The following MTHFD2L variants were observed in gnomAD, a reference collection of about 807,000 sequenced individuals.
MTHFD2L encodes the protein bifunctional methylenetetrahydrofolate dehydrogenase/cyclohydrolase 2, mitochondrial.
Under a neutral mutation model 34.9 loss-of-function variants are expected in MTHFD2L, and 29 were observed. The ratio of observed to expected loss-of-function variants is 0.83; its 90% CI spans 0.62 to 1.13. The LOEUF is 1.13. MTHFD2L is among the 50% of genes most tolerant of loss of function. The pLI, the probability that MTHFD2L is intolerant of heterozygous loss-of-function variation, is 0.00. For synonymous variants in MTHFD2L, 167 were observed against 155.7 expected (o/e 1.07, Z -0.54); for missense variants, 481 against 446.5 (o/e 1.08, Z -0.70).
chr4:74,281,215 A>G (rs1747420382), intron 6 of MTHFD2L, among the ~76,000 whole-genome samples: 2 of 152,148 alleles, frequency 1.3e-5, no homozygotes, highest in Non-Finnish European at 2.9e-5. Flanking sequence ...TAGCTCCTGC[A>G]GGATTTCATC....
At chr4:74,164,029 C>G (rs967736495) in intron 1 of MTHFD2L, among the ~76,000 whole-genome samples, 3 of 152,164 alleles carry the variant, frequency 2.0e-5, no homozygotes, top group African/African-American at 7.2e-5. Flanking sequence ...GCGCCCGCCA[C>G]CACGCCCGGC....
intron 7 of MTHFD2L, among the ~76,000 whole-genome samples, chr4:74,282,020 G>A (rs1376350256): frequency 6.6e-6 from 1 of 152,082 alleles, no homozygotes; most frequent in Non-Finnish European, 1.5e-5. Context: ...GATAGTTGAA[G>A]TCAGTGTTTT....
At chr4:74,118,129 TAAA>T (rs1721686791) in intron 2 of MTHFD2L, among the ~76,000 whole-genome samples, 1 of 152,216 alleles carries the variant, frequency 6.6e-6, no homozygotes, top group African/African-American at 2.4e-5. Context: ...CTGATTCTAT[TAAA>T]TAACATTATT....
At chr4:74,126,264 C>A (rs1722064413) in intron 1 of MTHFD2L, among the ~76,000 whole-genome samples, 1 of 152,086 alleles carries the variant, frequency 6.6e-6, no homozygotes, top group Non-Finnish European at 1.5e-5. Flanking sequence ...TTTCTAGTCA[C>A]AAAACATCAT....
intron 6 of MTHFD2L, among the ~76,000 whole-genome samples, chr4:74,237,489 A>C (rs1253810352): frequency 6.6e-6 from 1 of 152,160 alleles, no homozygotes; most frequent in East Asian, 1.9e-4. Flanking sequence ...TCTTCACTAA[A>C]AATACAAAAA....
At chr4:74,127,540 G>A (rs985501246) in intron 1 of MTHFD2L, among the ~76,000 whole-genome samples, 3 of 152,104 alleles carry the variant, frequency 2.0e-5, no homozygotes, top group African/African-American at 7.2e-5. Context: ...TTAACATAAT[G>A]ACCTCCAGTT....
intron 1 of MTHFD2L, among the ~76,000 whole-genome samples, chr4:74,126,448 C>A (rs2109789421): frequency 6.6e-6 from 1 of 152,204 alleles, no homozygotes; most frequent in Non-Finnish European, 1.5e-5. Context: ...GATGTTTACT[C>A]CTTATCCTAG....
chr4:74,120,921 C>A (rs757507434), upstream of MTHFD2L, among the ~76,000 whole-genome samples: 3 of 152,190 alleles, frequency 2.0e-5, no homozygotes, highest in Non-Finnish European at 4.4e-5. Flanking sequence ...CATATTCAAC[C>A]TGTTCAGGGA....
At chr4:74,185,168 A>ACAAAAC (rs1438407225) in intron 3 of MTHFD2L, among the ~76,000 whole-genome samples, 11 of 150,644 alleles carry the variant, frequency 7.3e-5, no homozygotes, top group Admixed American at 2.6e-4. Flanking sequence ...AAAAAAAAAA[A>ACAAAAC]AAAAAAAAAA....
intron 5 of MTHFD2L, among the ~76,000 whole-genome samples, chr4:74,222,768 T>C (rs1226884716): frequency 2.0e-5 from 3 of 152,096 alleles, no homozygotes; most frequent in Non-Finnish European, 4.4e-5. Context: ...TCCTGAATTC[T>C]TGCATTTTCA....
intron 6 of MTHFD2L, among the ~76,000 whole-genome samples, chr4:74,262,576 C>A (rs1000091544): frequency 6.6e-6 from 1 of 151,674 alleles, no homozygotes; most frequent in Non-Finnish European, 1.5e-5. Flanking sequence ...TTTAAAAGAA[C>A]AATTTATAGG....
chr4:74,158,241 C>T lies in MTHFD2L; in HGVS notation c.103C>T (p.Pro35Ser), dbSNP rs1239373459. ...ACCCTCCGTAAGGGCACCGGGAGAG[C>T]CCGGGAGTGCGTTCCGGGGCTTTCG... The part of the protein sequence containing the change: ...TAPSVRAPGE[P>S]GSAFRGFRSS... Residue 35 changes from proline to serine, a missense_variant, in exon 1 of 8, where the codon CCC (proline) becomes TCC (serine). Pro to Ser is a moderately conservative substitution (Grantham distance 74). Transcript: ENST00000325278. 14 of 1,478,728 alleles carry T rather than the reference C, an allele frequency of 9.5e-6. No homozygotes were observed. The highest frequency in any genetic ancestry group is 1.3e-5 in the Non-Finnish European group (14 of 1,116,380). 91.6% of individuals were successfully genotyped at this position (1,478,728 alleles called of 1,614,324 possible).
At chr4:74,238,249 T>C (rs1280422718) in intron 6 of MTHFD2L, among the ~76,000 whole-genome samples, 1 of 152,216 alleles carries the variant, frequency 6.6e-6, no homozygotes, top group East Asian at 1.9e-4. Flanking sequence ...GCTTTGGTTC[T>C]GAAATAGAGC....
At chr4:74,122,471 C>T (rs1721813710), upstream of MTHFD2L, among the ~76,000 whole-genome samples, 1 of 152,210 alleles carries the variant, frequency 6.6e-6, no homozygotes, top group Non-Finnish European at 1.5e-5. Flanking sequence ...TTAATCACCT[C>T]ACACCAGGTA....
At chr4:74,122,103 A>G (rs952880317), upstream of MTHFD2L, among the ~76,000 whole-genome samples, 2 of 152,178 alleles carry the variant, frequency 1.3e-5, no homozygotes, top group Non-Finnish European at 2.9e-5. Flanking sequence ...CTAGGACATA[A>G]ACATATTTTA....
At chr4:74,186,430 G>C (rs1280093789) in intron 3 of MTHFD2L, among the ~76,000 whole-genome samples, 4 of 46,014 alleles carry the variant, frequency 8.7e-5, no homozygotes, top group Non-Finnish European at 1.8e-4. Flanking sequence ...AAATTCAAGG[G>C]AATCCATGAA....
chr4:74,142,352 C>G (rs1052867726), intron 1 of MTHFD2L, among the ~76,000 whole-genome samples: 1 of 152,122 alleles, frequency 6.6e-6, no homozygotes, highest in African/African-American at 2.4e-5. Flanking sequence ...GGTAATTAGG[C>G]TATGAGAGTG....
intron 6 of MTHFD2L, 80 bp downstream of exon 6, chr4:74,225,474 C>CT: frequency 8.6e-7 from 1 of 1,168,156 alleles, no homozygotes; most frequent in Non-Finnish European, 1.3e-6. Flanking sequence ...TGTTTGAAAG[C>CT]TTTTTGAGAG....
At chr4:74,155,961 T>C (rs578000589), upstream of MTHFD2L, among the ~76,000 whole-genome samples, 2 of 151,972 alleles carry the variant, frequency 1.3e-5, no homozygotes, top group Non-Finnish European at 2.9e-5. Context: ...GTAAAATGTT[T>C]GTATGTATTT....
Sources: allele counts gnomAD v4.1 joint callset (sites outside exome capture counted in the v4.1 genomes callset), GRCh38; gene constraint gnomAD v4.1.1; transcripts MANE v1.5; gene names NCBI Gene and HGNC (gene_info 2026-07-23, HGNC 2026-07-21).